ZNF365: variants seen among roughly 807,000 people sequenced by gnomAD.
The protein encoded by ZNF365 is protein ZNF365.
A neutral mutation model predicts 35.0 loss-of-function variants in ZNF365; 22 were observed. The ratio of observed to expected loss-of-function variants is 0.63; its 90% confidence interval spans 0.45 to 0.90. ZNF365 has a LOEUF of 0.90. ZNF365 is among the 40% of genes least tolerant of loss of function. ZNF365 has a pLI of 0.00. For missense variants in ZNF365, 448 were observed against 500.3 expected (o/e 0.90, Z 1.00); for synonymous variants, 188 against 196.2 (o/e 0.96, Z 0.35).
intron 3 of ZNF365, among the ~76,000 whole-genome samples, chr10:62,390,626 C>T (rs991313547): frequency 2.0e-5 from 3 of 152,234 alleles, no homozygotes; most frequent in African/African-American, 4.8e-5. Context: ...CCAGTTGTGT[C>T]GCTTTACAAT....
chr10:62,462,153 C>T (rs1840857784), intron 4 of ZNF365, among the ~76,000 whole-genome samples: 1 of 152,310 alleles, frequency 6.6e-6, no homozygotes, highest in South Asian at 2.1e-4. Context: ...GAGATTCTCA[C>T]CTGATAACCA....
Position 62,419,211 on chromosome 10 carries a change from G to A in ZNF365, c.924+30635G>A, listed in dbSNP as rs146040444. ...CCAGACCATGTTACTCTTAAAGATG[G>A]TACTATGTACTGGCTTTGATTTGGA... On this transcript the variant is annotated intron_variant, in intron 3 of 4. Coordinates refer to the ZNF365 transcript ENST00000395255. Among the ~76,000 whole-genome samples, 436 of 152,098 alleles carry A rather than the reference G, an allele frequency of 2.9e-3. 2 individuals carry two copies. The highest frequency in any genetic ancestry group is 9.8e-3 in the African/African-American group (405 of 41,492).
intron 3 of ZNF365, 53 bp from the exon 4 acceptor site, chr10:62,398,687 C>T: frequency 6.4e-7 from 1 of 1,552,422 alleles, no homozygotes; most frequent in Non-Finnish European, 8.8e-7. Flanking sequence ...TTTTAAAAAC[C>T]AAATCCAGTC....
chr10:62,448,551 G>T (rs3858132), intron 3 of ZNF365, among the ~76,000 whole-genome samples: 126,118 of 152,074 alleles, frequency 0.83, 53,168 homozygotes, highest in East Asian at 1. Context: ...GATTTGGAGT[G>T]TTTTTTTACT....
chr10:62,412,605 C>CA (rs1840003927), intron 3 of ZNF365, among the ~76,000 whole-genome samples: 1 of 151,984 alleles, frequency 6.6e-6, no homozygotes, highest in Admixed American at 6.6e-5. Context: ...AATCAATGTG[C>CA]AAAAATTGTT....
At chr10:62,445,405 G>C (rs1344987480) in intron 3 of ZNF365, among the ~76,000 whole-genome samples, 1 of 151,764 alleles carries the variant, frequency 6.6e-6, no homozygotes, top group African/African-American at 2.4e-5. Context: ...GTGTAAAAGT[G>C]TTCCTATTTC....
chr10:62,460,187 G>A (rs1056670658), intron 4 of ZNF365, among the ~76,000 whole-genome samples: 1 of 152,108 alleles, frequency 6.6e-6, no homozygotes, highest in African/African-American at 2.4e-5. Context: ...TGTACATTGT[G>A]GCAGTCAGAC....
intron 3 of ZNF365, among the ~76,000 whole-genome samples, chr10:62,394,981 G>T (rs1306434827): frequency 6.6e-6 from 1 of 152,150 alleles, no homozygotes; most frequent in Non-Finnish European, 1.5e-5. Flanking sequence ...TTGTTCTAAA[G>T]GAGGGAGCTC....
intron 4 of ZNF365, among the ~76,000 whole-genome samples, chr10:62,478,096 G>A (rs1000533000): frequency 4.6e-5 from 7 of 152,120 alleles, no homozygotes; most frequent in African/African-American, 1.7e-4. Flanking sequence ...TAAGGAAAAG[G>A]CCAGTCAGTA....
Position 62,376,810 on chromosome 10 carries a change from A to G in ZNF365, c.617A>G (p.Gln206Arg). 1 of 1,614,230 alleles carries G rather than the reference A, an allele frequency of 6.2e-7. No homozygotes were observed. Among genetic ancestry groups the G allele is most frequent in the Non-Finnish European group, 8.5e-7 (1 of 1,180,042 alleles). The part of the protein sequence containing the change: ...EVRAAFVQLT[Q>R]KKQEVQRRER... ...CGGGCAGCTTTTGTGCAGCTGACTC[A>G]GAAAAAGCAGGAAGTTCAGAGACGA... is the stretch of plus-strand genomic sequence containing the variant. The change falls in exon 2 of 5, where the codon CAG (glutamine) becomes CGG (arginine). Residue 206 changes from glutamine to arginine, a missense_variant. Around this residue, in one of 3 missense-constraint regions of ZNF365, gnomAD observed 362 missense variants for 375.7 expected, o/e 0.96. Coordinates refer to ENST00000395254, the MANE Select transcript of ZNF365 (RefSeq NM_014951.3).
rs540745165 is a variant in ZNF365 at position 62,440,885 on chromosome 10, A to G, written c.925-18856A>G. Among the ~76,000 whole-genome samples, 38 of 152,314 alleles carry G rather than the reference A, an allele frequency of 2.5e-4. No homozygotes were observed. The Middle Eastern group carries it at 0.014, about 55-fold the overall frequency. On this transcript the variant is annotated intron_variant, in intron 3 of 4. Coordinates refer to the ZNF365 transcript ENST00000395255. ...ATATTTAGTAAATAACAGAATGAAT[A>G]CATCATCCGATCTCTAAAGTCATTC...
intron 4 of ZNF365, among the ~76,000 whole-genome samples, chr10:62,474,580 A>AGCTT (rs1394174726): frequency 6.6e-6 from 1 of 152,060 alleles, no homozygotes; most frequent in African/African-American, 2.4e-5. Context: ...TTCTTTACCC[A>AGCTT]GCTGTTCACA....
intron 3 of ZNF365, among the ~76,000 whole-genome samples, chr10:62,419,925 A>G (rs1197386812): frequency 1.3e-5 from 2 of 152,110 alleles, no homozygotes; most frequent in Non-Finnish European, 2.9e-5. Flanking sequence ...TACACTTTTT[A>G]GGTTATTATA....
chr10:62,480,100 C>T, exon 5 of ZNF365: 1 of 1,327,428 alleles, frequency 7.5e-7, no homozygotes, highest in Non-Finnish European at 9.8e-7. Flanking sequence ...TCCAGGTCCT[C>T]CCTAACAAGA....
At chr10:62,438,539 C>T (rs1477924264) in intron 3 of ZNF365, among the ~76,000 whole-genome samples, 1 of 151,928 alleles carries the variant, frequency 6.6e-6, no homozygotes, top group Non-Finnish European at 1.5e-5. Flanking sequence ...GGTAAACAAA[C>T]ACATACATAA....
intron 4 of ZNF365, among the ~76,000 whole-genome samples, chr10:62,473,431 C>G (rs940156249): frequency 6.6e-6 from 1 of 152,120 alleles, no homozygotes; most frequent in Non-Finnish European, 1.5e-5. Flanking sequence ...TAGGAGTAAC[C>G]TAGCTCCTGT....
At chr10:62,426,006 T>G (rs902874239) in intron 3 of ZNF365, among the ~76,000 whole-genome samples, 1 of 152,186 alleles carries the variant, frequency 6.6e-6, no homozygotes, top group African/African-American at 2.4e-5. Context: ...CAGTAATGAT[T>G]GACAAACTTG....
rs1320460875 is a variant in ZNF365 at position 62,388,459 on chromosome 10, C to CTTTAT, written c.807_808insTTTAT (p.Arg270PhefsTer15). 6.2e-7 allele frequency: 1 copy of CTTTAT among 1,614,064 alleles called. No homozygotes were observed. Among genetic ancestry groups the CTTTAT allele is most frequent in the Non-Finnish European group, 8.5e-7 (1 of 1,180,046 alleles). On this transcript the variant is annotated frameshift_variant, in exon 3 of 5. Transcript: ENST00000395254. LOFTEE classifies it high-confidence loss of function. ...CTGAGAAGGAGGTTCAAGGGAAAGC[C>CTTTAT]CGGCTCCAGGACTTTATTGAGAATC...
Position 62,474,750 on chromosome 10 carries a change from A to G in ZNF365, c.982-5126A>G, listed in dbSNP as rs144586785. Among the ~76,000 whole-genome samples the G allele has an allele frequency of 4.4e-4, 67 of 152,292 alleles. No homozygotes were observed. The East Asian group carries it at 7.0e-3, about 16-fold the overall frequency. ...ATTTGCCCATCCTATAGGAATCACA[A>G]AGAAGCCCAAAACTAAACGTTTTCT... is the stretch of plus-strand genomic sequence containing the variant. On this transcript the variant is annotated intron_variant, in intron 4 of 4. Coordinates refer to the ZNF365 transcript ENST00000395255.
Sources: allele counts gnomAD v4.1 joint callset (sites outside exome capture counted in the v4.1 genomes callset), GRCh38; gene constraint gnomAD v4.1.1; regional missense constraint gnomAD v4.1.1; transcripts MANE v1.5; gene names NCBI Gene and HGNC (gene_info 2026-07-23, HGNC 2026-07-21).